CELF2: variants seen among roughly 807,000 people sequenced by gnomAD.
The protein encoded by CELF2 is CUG triplet repeat RNA-binding protein 2.
In CELF2, 8 loss-of-function variants were observed where a neutral mutation model predicts 62.6. The observed-to-expected ratio is 0.13, with a 90% CI of 0.07 to 0.23. The LOEUF (loss-of-function observed/expected upper bound fraction) is 0.23, where lower values mean the gene tolerates loss of function less well. CELF2 is among the 10% of genes least tolerant of loss of function. The probability of loss-of-function intolerance (pLI) is 1.00; values close to 1 mark genes in which losing one functional copy is unlikely to be tolerated. For missense variants in CELF2, 333 were observed against 671.0 expected, an observed-to-expected ratio of 0.50 and a Z score of 5.56; for synonymous variants, 258 against 250.0, an observed-to-expected ratio of 1.03 and a Z score of -0.30.
intron 1 of CELF2, among the ~76,000 whole-genome samples, chr10:10,847,066 G>A (rs2059061090): frequency 6.6e-6 from 1 of 152,020 alleles, no homozygotes; most frequent in South Asian, 2.1e-4. Context: ...CTTGAAGAGG[G>A]TGTTGTAAAG....
the CELF2 span, among the ~76,000 whole-genome samples, chr10:10,741,243 T>A: frequency 6.6e-6 from 1 of 151,988 alleles, no homozygotes; most frequent in Admixed American, 6.6e-5. Flanking sequence ...CCGGGTGCGG[T>A]GGCTCACACC....
At chr10:10,519,348 A>C in the CELF2 span, among the ~76,000 whole-genome samples, 2 of 152,206 alleles carry the variant, frequency 1.3e-5, no homozygotes, top group South Asian at 2.1e-4. Flanking sequence ...TATTAGGCTA[A>C]ATCAAAGAAA....
rs537541562 is a variant in CELF2, at chr10:11,296,330, C to T, written c.976+7778C>T. ...ACACTCTTCTGTATTGTGGCAAATCCACATCAGATCCCCTTGTGATGTTTA... is the reference window on the plus strand; with the variant it reads ...ACACTCTTCTGTATTGTGGCAAATCTACATCAGATCCCCTTGTGATGTTTA... On this transcript the variant is annotated intron_variant, in intron 9 of 12. Transcript: ENST00000633077. The surrounding 1 kb of genome is among the most constrained non-coding windows in gnomAD (Gnocchi z 5.0). Among the ~76,000 whole-genome samples, 1 of 152,236 alleles carries T rather than the reference C, an allele frequency of 6.6e-6. No homozygotes were observed. The highest frequency in any genetic ancestry group is 2.4e-5 in the African/African-American group (1 of 41,530).
chr10:10,622,391 T>C, the CELF2 span, among the ~76,000 whole-genome samples: 10 of 152,080 alleles, frequency 6.6e-5, no homozygotes, highest in Non-Finnish European at 1.0e-4. Flanking sequence ...GGTGGATCAC[T>C]TGAGCCCAGG....
rs1377078786 is a variant in CELF2 at position 11,316,951 on chromosome 10, G to C, written c.1096+2693G>C. Reference sequence around the variant, plus strand: ...ATCAGAAGAAGGAACACATGTGATTGACCATCAGAGTGTTCACCTCTGGAT... The same window carrying C: ...ATCAGAAGAAGGAACACATGTGATTCACCATCAGAGTGTTCACCTCTGGAT... On this transcript the variant is annotated intron_variant, in intron 10 of 12. Coordinates refer to ENST00000633077, the MANE Select transcript of CELF2 (RefSeq NM_001326342.2). The surrounding 1 kb of genome is among the most constrained non-coding windows in gnomAD (Gnocchi z 4.4). 1 of 152,180 alleles carries C rather than the reference G, an allele frequency of 6.6e-6. No individual in the cohort carries two copies. Among genetic ancestry groups the C allele is most frequent in the Non-Finnish European group, 1.5e-5 (1 of 68,032 alleles). The allele number at this position is 152,180 out of a possible 1,614,324, so 9.4% of individuals were successfully genotyped here.
rs1356377105 is a variant in CELF2, at chr10:11,243,392, T to G, written c.355-5761T>G. On this transcript the variant is annotated intron_variant, in intron 3 of 12. Transcript: ENST00000633077. The surrounding 1 kb of genome is among the most constrained non-coding windows in gnomAD (Gnocchi z 4.1). ...AAAAAAAAAAGCTTCTAAAAATTCA[T>G]GTACCATCAAGGAAATCTTCACATG... 3.3e-5 allele frequency among the ~76,000 whole-genome samples: 5 copies of G among 151,054 alleles called. No individual in the cohort carries two copies. Among genetic ancestry groups the G allele is most frequent in the African/African-American group, 1.2e-4 (5 of 41,056 alleles).
At chr10:10,756,332 G>A in the CELF2 span, among the ~76,000 whole-genome samples, 15 of 152,084 alleles carry the variant, frequency 9.9e-5, no homozygotes, top group South Asian at 2.1e-4. Flanking sequence ...TAAAAGTAAT[G>A]GTAAAAACCA....
At chr10:10,557,225 G>A in the CELF2 span, among the ~76,000 whole-genome samples, 1 of 140,612 alleles carries the variant, frequency 7.1e-6, no homozygotes, top group Admixed American at 7.0e-5. Flanking sequence ...GTGTAAGGAA[G>A]GGATCCAGTT....
At chr10:10,661,741 A>T in the CELF2 span, among the ~76,000 whole-genome samples, 32 of 152,222 alleles carry the variant, frequency 2.1e-4, no homozygotes, top group African/African-American at 7.2e-4. Flanking sequence ...TGAGACAGGA[A>T]TTCTTATGCA....
chr10:11,003,491 C>T (rs2054729025), upstream of CELF2, among the ~76,000 whole-genome samples: 1 of 152,120 alleles, frequency 6.6e-6, no homozygotes. This position sits in a 1 kb window ranked among gnomAD's most constrained non-coding sequence, Gnocchi z 4.4. Flanking sequence ...TGGTATCAGT[C>T]CAGTTATCCC....
chr10:10,646,481 C>T, the CELF2 span, among the ~76,000 whole-genome samples: 25 of 152,276 alleles, frequency 1.6e-4, no homozygotes, highest in African/African-American at 6.0e-4. Context: ...TTACTTTGCC[C>T]CCTCACTGCT....
intron 1 of CELF2, among the ~76,000 whole-genome samples, chr10:10,799,002 G>C (rs1408211559): frequency 1.3e-5 from 2 of 152,196 alleles, no homozygotes; most frequent in Non-Finnish European, 2.9e-5. Context: ...GCCTGTGAAC[G>C]TGAGGTCCTC....
chr10:11,306,098 C>T lies in CELF2; in HGVS notation c.977-8041C>T, dbSNP rs566105782. Reference sequence around the variant, plus strand: ...GTGGTACAACAGGCTTAAAATGTGACGTATCCAAGTTATTGCAGCCACTGT... The same window carrying T: ...GTGGTACAACAGGCTTAAAATGTGATGTATCCAAGTTATTGCAGCCACTGT... On this transcript the variant is annotated intron_variant, in intron 9 of 12. Transcript: ENST00000633077. The surrounding 1 kb of genome is among the most constrained non-coding windows in gnomAD (Gnocchi z 4.4). 7.2e-4 allele frequency among the ~76,000 whole-genome samples: 109 copies of T among 152,300 alleles called. No homozygotes were observed. Among genetic ancestry groups the T allele is most frequent in the African/African-American group, 2.4e-3 (101 of 41,554 alleles).
intron 1 of CELF2, among the ~76,000 whole-genome samples, chr10:11,113,295 T>G (rs1311135283): frequency 1.3e-5 from 2 of 152,350 alleles, no homozygotes; most frequent in Admixed American, 1.3e-4. Context: ...TTTAGGTGTT[T>G]TAAATTCACC....
At chr10:10,875,916 G>A (rs761465671) in intron 1 of CELF2, among the ~76,000 whole-genome samples, 37 of 152,180 alleles carry the variant, frequency 2.4e-4, no homozygotes, top group Non-Finnish European at 5.0e-4. Flanking sequence ...TGTACTTCTA[G>A]GGCAGCCTTA....
chr10:10,682,695 T>A, the CELF2 span, among the ~76,000 whole-genome samples: 1 of 152,190 alleles, frequency 6.6e-6, no homozygotes, highest in Non-Finnish European at 1.5e-5. Flanking sequence ...CATTGTCTCT[T>A]TGGATCACAT....
At chr10:10,878,803 C>A (rs915215940) in intron 1 of CELF2, among the ~76,000 whole-genome samples, 2 of 152,208 alleles carry the variant, frequency 1.3e-5, no homozygotes, top group Non-Finnish European at 1.5e-5. Context: ...AGGAAAGCAA[C>A]CGTCCTCATG....
the CELF2 span, among the ~76,000 whole-genome samples, chr10:10,581,872 A>G: frequency 4.0e-4 from 61 of 152,262 alleles, 1 homozygote; most frequent in South Asian, 6.2e-3. Flanking sequence ...TACTAAAAAT[A>G]CAAAAATTAG....
At chr10:10,643,237 A>G in the CELF2 span, among the ~76,000 whole-genome samples, 4 of 151,882 alleles carry the variant, frequency 2.6e-5, no homozygotes, top group Admixed American at 1.3e-4. Flanking sequence ...CCCCACCCAA[A>G]TCTCATCTTG....
Sources: gnomAD v4.1 joint callset for allele counts (sites outside exome capture counted in the v4.1 genomes callset) on GRCh38, gnomAD v4.1.1 for gene constraint, Gnocchi (gnomAD v3.1) non-coding constraint, MANE v1.5 for transcripts, NCBI Gene and HGNC (gene_info 2026-07-23, HGNC 2026-07-21) for gene names.